The following CACUL1 variants were observed in gnomAD, a reference collection of about 807,000 sequenced individuals.
The protein encoded by CACUL1 is CDK2-associated and cullin domain-containing protein 1.
CACUL1 carries 13 observed loss-of-function variants against 45.2 expected under a neutral mutation model. The observed-to-expected ratio is 0.29, with a 90% CI of 0.19 to 0.46. CACUL1 has a LOEUF of 0.46. Ranked by LOEUF, CACUL1 falls within the 20% of genes least tolerant of loss-of-function variation. CACUL1 has a pLI of 1.00. For missense variants in CACUL1, 421 were observed against 471.4 expected (o/e 0.89, Z 0.99); for synonymous variants, 197 against 174.2 (o/e 1.13, Z -1.03).
In CACUL1 at chr10:118,754,753, T is replaced by C; in HGVS notation, c.10A>G (p.Ser4Gly). Residue 4 changes from serine to glycine, a missense_variant, in exon 1 of 9, where the codon AGC (serine) becomes GGC (glycine). Physicochemically the swap from Ser to Gly is moderately conservative, Grantham distance 56. This residue lies in a region of CACUL1 where 213 missense variants were observed against 173.1 expected (regional missense o/e 1.23). Coordinates refer to ENST00000369151, the MANE Select transcript of CACUL1 (RefSeq NM_153810.5). The part of the protein sequence containing the change: MEE[S>G]MEEEEGGSYE... ...CTGCCCCCCTCCTCCTCTTCCATGC[T>C]TTCCTCCATCCTGCTGGCCCCCGGC... 1 of 1,587,096 alleles carries C rather than the reference T, an allele frequency of 6.3e-7. No homozygotes were observed. The highest frequency in any genetic ancestry group is 8.6e-7 in the Non-Finnish European group (1 of 1,169,190).
intron 3 of CACUL1, among the ~76,000 whole-genome samples, chr10:118,724,137 T>C (rs976064950): frequency 6.6e-6 from 1 of 152,184 alleles, no homozygotes; most frequent in Admixed American, 6.5e-5. Flanking sequence ...ATTTTTTTAT[T>C]CTTGCTAGTC....
intron 1 of CACUL1, among the ~76,000 whole-genome samples, chr10:118,738,892 TAAAAAAAA>T (rs150393133): frequency 1.6e-5 from 1 of 62,258 alleles, no homozygotes; most frequent in East Asian, 5.1e-4. Context: ...CAAGTGCTCT[TAAAAAAAA>T]AAAAAAAAAA....
chr10:118,726,298 T>C (rs1443460712), intron 3 of CACUL1: 17 of 1,282,684 alleles, frequency 1.3e-5, no homozygotes, highest in Admixed American at 2.3e-5. Context: ...AGCACAGGAG[T>C]AGTGGTCATC....
At chr10:118,727,993 T>C (rs188436008) in intron 3 of CACUL1, among the ~76,000 whole-genome samples, 1 of 152,204 alleles carries the variant, frequency 6.6e-6, no homozygotes, top group East Asian at 1.9e-4. Flanking sequence ...TAAACATATG[T>C]GTTAAATGAA....
chr10:118,733,330 CA>C lies in CACUL1; in HGVS notation c.368-2921del, dbSNP rs368852442. Reference sequence around the variant, plus strand: ...GAATCTTAAACCCTATTTCCACACACAAAAAAAAAAGCAGTTTCTATTTCCA... The same window carrying C: ...GAATCTTAAACCCTATTTCCACACACAAAAAAAAAGCAGTTTCTATTTCCA... On this transcript the variant is annotated intron_variant, in intron 1 of 8. Coordinates refer to ENST00000369151, the MANE Select transcript of CACUL1 (RefSeq NM_153810.5). Among the ~76,000 whole-genome samples, 150 of 145,866 alleles carry C rather than the reference CA, an allele frequency of 1.0e-3. 1 individual carries two copies. Among genetic ancestry groups the C allele is most frequent in the South Asian group, 4.3e-3 (20 of 4,630 alleles).
At position 118,753,101 on chromosome 10, in the gene CACUL1, A is replaced by G. The variant is rs193146286; in HGVS notation, c.367+1295T>C. Among the ~76,000 whole-genome samples the G allele has an allele frequency of 3.9e-5, 6 of 152,340 alleles. No homozygotes were observed. In the East Asian group the frequency reaches 5.8e-4, roughly 15 times the overall value. ...CTCTTCAAAGGAACTTTACTAAGGC[A>G]ATCTTCCTTCGTGACTCAGGTGAAG... On this transcript the variant is annotated intron_variant, in intron 1 of 8. Coordinates refer to ENST00000369151, the MANE Select transcript of CACUL1 (RefSeq NM_153810.5).
At chr10:118,744,593 T>C (rs547966487) in intron 1 of CACUL1, among the ~76,000 whole-genome samples, 1 of 152,202 alleles carries the variant, frequency 6.6e-6, no homozygotes, top group African/African-American at 2.4e-5. Context: ...ATGTACTCAA[T>C]GTCACTGAAT....
intron 3 of CACUL1, among the ~76,000 whole-genome samples, chr10:118,717,076 T>G (rs1766047173): frequency 6.6e-6 from 1 of 152,168 alleles, no homozygotes; most frequent in Non-Finnish European, 1.5e-5. Context: ...AAGTCTTGAT[T>G]CAGAAACTTT....
chr10:118,751,564 A>G (rs1554898087), intron 1 of CACUL1, among the ~76,000 whole-genome samples: 6 of 151,954 alleles, frequency 3.9e-5, no homozygotes. Context: ...TCCTTGGTCT[A>G]TTTTTCTGTT....
chr10:118,734,279 G>A (rs965813147), intron 1 of CACUL1, among the ~76,000 whole-genome samples: 14 of 152,230 alleles, frequency 9.2e-5, no homozygotes, highest in Non-Finnish European at 1.9e-4. Flanking sequence ...TATTGCGGCT[G>A]TGCCAGTGTA....
intron 3 of CACUL1, among the ~76,000 whole-genome samples, chr10:118,708,681 C>T (rs1392356462): frequency 6.6e-6 from 1 of 152,070 alleles, no homozygotes; most frequent in Non-Finnish European, 1.5e-5. Context: ...GAGCTGTGAT[C>T]TATAGGATTA....
chr10:118,681,423 T>A lies in CACUL1; in HGVS notation c.*4705A>T, dbSNP rs1845151785. 6.6e-6 allele frequency: 1 copy of A among 152,248 alleles called. No individual in the cohort carries two copies. Among genetic ancestry groups the A allele is most frequent in the Non-Finnish European group, 1.5e-5 (1 of 68,052 alleles). 9.4% of individuals were successfully genotyped at this position (152,248 alleles called of 1,614,324 possible). A position where few individuals can be genotyped will look rare whatever the true frequency, so the allele number is the denominator to read the frequency against. On this transcript the variant is annotated 3_prime_UTR_variant, in exon 9 of 9. Transcript: ENST00000369151. Reference sequence around the variant, plus strand: ...TAGAACTAATGAGAGTGAACTGCCATCTGTTTAACAAAACGCACTCTTCTA... The same window carrying A: ...TAGAACTAATGAGAGTGAACTGCCAACTGTTTAACAAAACGCACTCTTCTA...
intron 3 of CACUL1, among the ~76,000 whole-genome samples, chr10:118,713,022 C>A (rs537261498): frequency 9.8e-4 from 150 of 152,342 alleles, no homozygotes; most frequent in African/African-American, 3.4e-3. Flanking sequence ...CCATTCATGG[C>A]GCCCAGGCTG....
At chr10:118,714,522 A>C (rs80114872) in intron 3 of CACUL1, among the ~76,000 whole-genome samples, 7,396 of 152,318 alleles carry the variant, frequency 0.049, 581 homozygotes, top group African/African-American at 0.17. Context: ...AAATACTGTC[A>C]GTCATTTTCC....
intron 1 of CACUL1, among the ~76,000 whole-genome samples, chr10:118,742,974 ATTCT>A (rs1313279627): frequency 1.3e-4 from 20 of 152,354 alleles, no homozygotes; most frequent in African/African-American, 3.6e-4. Flanking sequence ...CTTACTAAAG[ATTCT>A]TTATTCACTA....
intron 3 of CACUL1, among the ~76,000 whole-genome samples, chr10:118,722,786 T>C (rs1003993949): frequency 1.3e-5 from 2 of 152,244 alleles, no homozygotes; most frequent in Admixed American, 6.5e-5. Context: ...GAGGACTAGC[T>C]AAAAACAGGT....
At chr10:118,741,858 G>C (rs1845796396) in intron 1 of CACUL1, among the ~76,000 whole-genome samples, 1 of 152,026 alleles carries the variant, frequency 6.6e-6, no homozygotes, top group Non-Finnish European at 1.5e-5. Flanking sequence ...TGTTTAACAT[G>C]AGCCAGTCTC....
In CACUL1 at chr10:118,739,080, C is replaced by T. The variant is rs558376576; in HGVS notation, c.368-8670G>A. Among the ~76,000 whole-genome samples, 3 of 151,614 alleles carry T rather than the reference C, an allele frequency of 2.0e-5. No individual in the cohort carries two copies. In the South Asian group the frequency reaches 6.3e-4, roughly 32 times the overall value. On this transcript the variant is annotated intron_variant, in intron 1 of 8. Coordinates refer to ENST00000369151, the MANE Select transcript of CACUL1 (RefSeq NM_153810.5). ...GCATGGTGGCGGGCACCTGTATTCC[C>T]AGCTACTCGGGAGGCTGAGGCAAGA...
At chr10:118,690,303 G>A (rs1250447663) in intron 7 of CACUL1, among the ~76,000 whole-genome samples, 4 of 47,102 alleles carry the variant, frequency 8.5e-5, no homozygotes, top group East Asian at 5.7e-4. Flanking sequence ...GCGAGACTCC[G>A]TCTCAAAAAA....
Sources: gnomAD v4.1 joint callset for allele counts (sites outside exome capture counted in the v4.1 genomes callset) on GRCh38, gnomAD v4.1.1 for gene constraint, gnomAD v4.1.1 regional missense constraint, MANE v1.5 for transcripts, NCBI Gene and HGNC (gene_info 2026-07-23, HGNC 2026-07-21) for gene names.